RIMS2: variants seen among roughly 807,000 people sequenced by gnomAD.
RIMS2 encodes the protein regulating synaptic membrane exocytosis protein 2.
In RIMS2, 59 loss-of-function variants were observed where a neutral mutation model predicts 174.4. The observed-to-expected ratio is 0.34, with a 90% CI of 0.27 to 0.42. The LOEUF is 0.42. RIMS2 is among the 10% of genes least tolerant of loss of function. RIMS2 has a pLI of 1.00. For missense variants in RIMS2, 1,620 were observed against 1,666.3 expected (o/e 0.97, Z 0.48); for synonymous variants, 606 against 572.5 (o/e 1.06, Z -0.84).
intron 4 of RIMS2, among the ~76,000 whole-genome samples, chr8:103,900,912 T>C (rs1384509266): frequency 6.6e-6 from 1 of 152,130 alleles, no homozygotes; most frequent in African/African-American, 2.4e-5. Context: ...TTATCCATAA[T>C]TTTTGTTTTG....
intron 3 of RIMS2, among the ~76,000 whole-genome samples, chr8:103,820,856 C>T (rs1489897433): frequency 6.6e-6 from 1 of 151,120 alleles, no homozygotes; most frequent in Non-Finnish European, 1.5e-5. Context: ...ATGCTGTTTT[C>T]CTTTTTTAAA....
In RIMS2 at chr8:104,111,302, A is replaced by T. The variant is rs569593465; in HGVS notation, c.3334+96687A>T. Among the ~76,000 whole-genome samples the T allele has an allele frequency of 2.6e-5, 4 of 152,346 alleles. No homozygotes were observed. The East Asian group carries it at 7.7e-4, about 29-fold the overall frequency. ...GATCATTTTTGCTGACTTCCCAAAT[A>T]TATTTTAAAAATTCAGTCTGTCTGT... On this transcript the variant is annotated intron_variant, in intron 19 of 23. Coordinates refer to ENST00000504942, the Ensembl canonical transcript of RIMS2.
chr8:104,155,400 C>A (rs1273700491), intron 19 of RIMS2, among the ~76,000 whole-genome samples: 2 of 142,356 alleles, frequency 1.4e-5, no homozygotes, highest in Admixed American at 1.5e-4. Context: ...GCCACCGCGC[C>A]CGGCCTTGCT....
At chr8:104,040,484 GA>G (rs1565984125) in intron 19 of RIMS2, among the ~76,000 whole-genome samples, 1 of 151,630 alleles carries the variant, frequency 6.6e-6, no homozygotes, top group East Asian at 1.9e-4. Context: ...TAGCACTAGG[GA>G]AAAAAGTTTT....
intron 3 of RIMS2, among the ~76,000 whole-genome samples, chr8:103,792,138 G>A (rs201143524): frequency 1.6e-4 from 24 of 151,902 alleles, no homozygotes; most frequent in African/African-American, 5.1e-4. Context: ...GCACCACATC[G>A]CACTTATTCT....
intron 1 of RIMS2, among the ~76,000 whole-genome samples, chr8:103,632,661 C>A (rs571257614): frequency 6.6e-6 from 1 of 151,416 alleles, no homozygotes; most frequent in African/African-American, 2.4e-5. Flanking sequence ...CCTCAGGTGA[C>A]CTGCCCACCT....
At chr8:103,886,590 A>G (rs900171091) in intron 4 of RIMS2, among the ~76,000 whole-genome samples, 2 of 151,906 alleles carry the variant, frequency 1.3e-5, no homozygotes, top group Admixed American at 6.6e-5. Flanking sequence ...ACATCTGAAA[A>G]AGTCCTCAAA....
chr8:103,551,541 A>C (rs1205266409), intron 1 of RIMS2, among the ~76,000 whole-genome samples: 1 of 152,192 alleles, frequency 6.6e-6, no homozygotes, highest in East Asian at 1.9e-4. Context: ...AACTGGCACA[A>C]GACAGGGATA....
At chr8:104,071,938 TCTTTATAAGGC>T (rs2097204046) in intron 19 of RIMS2, among the ~76,000 whole-genome samples, 1 of 152,210 alleles carries the variant, frequency 6.6e-6, no homozygotes, top group Admixed American at 6.5e-5. Context: ...TGATCTGACA[TCTTTATAAGGC>T]CTTTAATAAT....
chr8:103,873,104 T>C (rs1023688549), intron 3 of RIMS2, among the ~76,000 whole-genome samples: 10 of 152,160 alleles, frequency 6.6e-5, no homozygotes, highest in African/African-American at 2.4e-4. Flanking sequence ...AATGTTTTGG[T>C]AGATAGGATA....
chr8:104,179,105 G>A (rs1586674146), intron 19 of RIMS2, among the ~76,000 whole-genome samples: 1 of 152,106 alleles, frequency 6.6e-6, no homozygotes, highest in Non-Finnish European at 1.5e-5. Flanking sequence ...ATCAGAGACA[G>A]TGGCCTTTAT....
At chr8:104,141,347 C>G (rs1009754173) in intron 19 of RIMS2, among the ~76,000 whole-genome samples, 1 of 152,084 alleles carries the variant, frequency 6.6e-6, no homozygotes, top group Non-Finnish European at 1.5e-5. Flanking sequence ...AATATATAGA[C>G]AGACTAAAGA....
At chr8:103,949,144 A>AAAAAAAAGGG (rs1555024083) in intron 14 of RIMS2, among the ~76,000 whole-genome samples, 1 of 138,414 alleles carries the variant, frequency 7.2e-6, no homozygotes, top group African/African-American at 2.7e-5. Flanking sequence ...AAAAAAAAAA[A>AAAAAAAAGGG]AAAGGGAAAG....
chr8:103,930,760 A>G (rs2079766129), intron 11 of RIMS2, among the ~76,000 whole-genome samples: 2 of 152,186 alleles, frequency 1.3e-5, no homozygotes, highest in African/African-American at 2.4e-5. Flanking sequence ...GACTAAAGCT[A>G]CTAGTAAATC....
rs574350493 is a variant in RIMS2 at position 103,842,480 on chromosome 8, ATAAT to A, written c.699-42807_699-42804del. On this transcript the variant is annotated intron_variant, in intron 3 of 23. Coordinates refer to ENST00000504942, the Ensembl canonical transcript of RIMS2. ...AACACTAAGTAAATAATAACTTATT[ATAAT>A]TAATTAATTATTATCAATTATTACT... is the stretch of plus-strand genomic sequence containing the variant. 1.9e-3 allele frequency among the ~76,000 whole-genome samples: 296 copies of A among 152,226 alleles called. 2 individuals are homozygous for A. Among genetic ancestry groups the A allele is most frequent in the African/African-American group, 6.6e-3 (276 of 41,560 alleles).
At chr8:104,093,726 T>A (rs2097703436) in intron 19 of RIMS2, 83 bp downstream of exon 24, 1 of 1,046,418 alleles carries the variant, frequency 9.6e-7, no homozygotes, top group African/African-American at 1.6e-5. Context: ...AATTATTTAT[T>A]TCTAACAGGT....
At chr8:104,240,790 T>C (rs532392383) in intron 19 of RIMS2, among the ~76,000 whole-genome samples, 11 of 152,122 alleles carry the variant, frequency 7.2e-5, no homozygotes, top group African/African-American at 2.7e-4. Flanking sequence ...AGTGGTAGAG[T>C]CAGACCTAGA....
At chr8:103,936,749 G>T (rs781618573) in intron 13 of RIMS2, 27 bp downstream of exon 15, 2 of 1,532,382 alleles carry the variant, frequency 1.3e-6, no homozygotes, top group Non-Finnish European at 1.8e-6. Context: ...TAAAGTTTAT[G>T]CTATTCATGT....
At chr8:103,785,155 TAAG>T (rs1451966329) in intron 3 of RIMS2, among the ~76,000 whole-genome samples, 4 of 144,582 alleles carry the variant, frequency 2.8e-5, no homozygotes, top group South Asian at 2.3e-4. Context: ...CTTACCAGCT[TAAG>T]GAGATTTTGG....
Sources: gnomAD v4.1 joint callset for allele counts (sites outside exome capture counted in the v4.1 genomes callset) on GRCh38, gnomAD v4.1.1 for gene constraint, MANE v1.5 for transcripts, NCBI Gene and HGNC (gene_info 2026-07-23, HGNC 2026-07-21) for gene names.